MACROD2: variants seen among roughly 807,000 people sequenced by gnomAD.
MACROD2 encodes the protein mono-ADP ribosylhydrolase 2, also known as ADP-ribose glycohydrolase MACROD2.
Under a neutral mutation model 70.4 loss-of-function variants are expected in MACROD2, and 36 were observed. That is an observed-to-expected ratio of 0.51 (90% CI 0.39 to 0.68). The LOEUF (loss-of-function observed/expected upper bound fraction) is 0.68, where lower values mean the gene tolerates loss of function less well. Among genes scored for constraint, MACROD2 ranks in the 30% least tolerant of loss-of-function variants. MACROD2 has a pLI of 0.00. For synonymous variants in MACROD2, 172 were observed against 178.8 expected, an observed-to-expected ratio of 0.96 and a Z score of 0.30; for missense variants, 496 against 538.4, an observed-to-expected ratio of 0.92 and a Z score of 0.78.
At chr20:15,812,070 C>T (rs2063826895) in intron 8 of MACROD2, among the ~76,000 whole-genome samples, 1 of 152,190 alleles carries the variant, frequency 6.6e-6, no homozygotes, top group South Asian at 2.1e-4. Flanking sequence ...AATGTCTGAA[C>T]GTTCTGCAAT....
chr20:14,554,920 A>G (rs142745112), intron 4 of MACROD2, among the ~76,000 whole-genome samples: 2,137 of 152,138 alleles, frequency 0.014, 57 homozygotes, highest in African/African-American at 0.049. Context: ...TTTGAGACCA[A>G]GGTTTTTTGT....
chr20:15,608,561 C>G (rs2048925152), intron 8 of MACROD2, among the ~76,000 whole-genome samples: 1 of 152,218 alleles, frequency 6.6e-6, no homozygotes. Context: ...CAACCAACCA[C>G]TAAGTGACCC....
chr20:14,147,387 CATT>C (rs2054956050), intron 3 of MACROD2, among the ~76,000 whole-genome samples: 1 of 152,142 alleles, frequency 6.6e-6, no homozygotes, highest in South Asian at 2.1e-4. Flanking sequence ...AATAGTAACT[CATT>C]GAGTTATGAA....
intron 5 of MACROD2, among the ~76,000 whole-genome samples, chr20:15,210,950 C>G (rs201433136): frequency 2.0e-5 from 3 of 152,144 alleles, no homozygotes; most frequent in Non-Finnish European, 4.4e-5. Context: ...TATAGCAGTA[C>G]GAGAATGGAC....
At chr20:14,788,763 G>GTTTTTTTTTTTTT (rs1195877119) in intron 5 of MACROD2, among the ~76,000 whole-genome samples, 1 of 79,476 alleles carries the variant, frequency 1.3e-5, no homozygotes, top group Admixed American at 1.8e-4. Flanking sequence ...TAGTGGTGGT[G>GTTTTTTTTTTTTT]TTTTTTTTTT....
chr20:14,134,801 CAAAAAAAAAAA>C (rs5840594), intron 3 of MACROD2, among the ~76,000 whole-genome samples: 1 of 98,346 alleles, frequency 1.0e-5, no homozygotes, highest in Non-Finnish European at 1.9e-5. Context: ...GACTCCGTGT[CAAAAAAAAAAA>C]AAAAAAAAAA....
intron 8 of MACROD2, among the ~76,000 whole-genome samples, chr20:15,723,132 T>C (rs2050812152): frequency 6.6e-6 from 1 of 151,728 alleles, no homozygotes; most frequent in South Asian, 2.1e-4. Flanking sequence ...AAAAACTTTA[T>C]TTTTAGAGCA....
intron 10 of MACROD2, among the ~76,000 whole-genome samples, chr20:15,896,807 G>A (rs993831280): frequency 6.6e-6 from 1 of 152,048 alleles, no homozygotes; most frequent in Non-Finnish European, 1.5e-5. Context: ...GAACTGCTGT[G>A]TACTTTGGTT....
At chr20:14,355,570 G>GT (rs199886341) in intron 3 of MACROD2, among the ~76,000 whole-genome samples, 8 of 144,714 alleles carry the variant, frequency 5.5e-5, no homozygotes, top group Non-Finnish European at 1.1e-4. Flanking sequence ...CATTTATGTG[G>GT]TTTTTTTGTG....
chr20:16,014,165 T>C (rs2066900121), intron 15 of MACROD2, among the ~76,000 whole-genome samples: 1 of 152,250 alleles, frequency 6.6e-6, no homozygotes, highest in Non-Finnish European at 1.5e-5. Flanking sequence ...CTTTAAAATA[T>C]AGGTCTGCCT....
intron 3 of MACROD2, among the ~76,000 whole-genome samples, chr20:14,186,846 T>C (rs2081348773): frequency 6.6e-6 from 1 of 151,980 alleles, no homozygotes; most frequent in Non-Finnish European, 1.5e-5. Context: ...AACACAGAAA[T>C]AGAAAACAAA....
chr20:14,225,241 G>C (rs186509837), intron 3 of MACROD2, among the ~76,000 whole-genome samples: 1 of 152,114 alleles, frequency 6.6e-6, no homozygotes. Context: ...TAGTAGCTTG[G>C]AATATTACAG....
intron 10 of MACROD2, among the ~76,000 whole-genome samples, chr20:15,921,864 T>A (rs952453489): frequency 2.6e-5 from 4 of 152,170 alleles, no homozygotes; most frequent in African/African-American, 7.2e-5. Context: ...AACAAGTAGA[T>A]TGTCCTGTGG....
At chr20:14,160,676 T>C (rs2055172846) in intron 3 of MACROD2, among the ~76,000 whole-genome samples, 1 of 152,070 alleles carries the variant, frequency 6.6e-6, no homozygotes, top group African/African-American at 2.4e-5. Flanking sequence ...CAACTAAATT[T>C]CCATTTTGTT....
chr20:15,960,589 A>G (rs1233624756), intron 12 of MACROD2, among the ~76,000 whole-genome samples: 1 of 152,102 alleles, frequency 6.6e-6, no homozygotes, highest in Non-Finnish European at 1.5e-5. Context: ...CAGGGAAGGG[A>G]GGACAGCCCC....
intron 6 of MACROD2, among the ~76,000 whole-genome samples, chr20:15,411,538 C>G (rs1452486159): frequency 1.3e-5 from 2 of 152,158 alleles, no homozygotes; most frequent in African/African-American, 4.8e-5. Flanking sequence ...ATACTTTATC[C>G]TACAGATAAA....
At chr20:14,270,178 AAAC>A (rs1295814256) in intron 3 of MACROD2, among the ~76,000 whole-genome samples, 2 of 152,198 alleles carry the variant, frequency 1.3e-5, no homozygotes, top group Non-Finnish European at 2.9e-5. Flanking sequence ...TTTCTCTCAA[AAAC>A]AACATATGAA....
At chr20:14,656,654 C>T (rs1458172081) in intron 4 of MACROD2, among the ~76,000 whole-genome samples, 3 of 152,136 alleles carry the variant, frequency 2.0e-5, no homozygotes, top group South Asian at 2.1e-4. Flanking sequence ...ATGACTAAAA[C>T]GCGTGTCTCC....
intron 8 of MACROD2, among the ~76,000 whole-genome samples, chr20:15,610,991 CTTTTTTTT>C (rs34495725): frequency 2.7e-4 from 16 of 60,118 alleles, no homozygotes; most frequent in Admixed American, 6.9e-4. Context: ...AGCCAAAAAT[CTTTTTTTT>C]TTTTTTTTTT....
Sources: gnomAD v4.1 joint callset for allele counts (sites outside exome capture counted in the v4.1 genomes callset) on GRCh38, gnomAD v4.1.1 for gene constraint, MANE v1.5 for transcripts, NCBI Gene and HGNC (gene_info 2026-07-23, HGNC 2026-07-21) for gene names.